CNTN5: variants seen among roughly 807,000 people sequenced by gnomAD.
CNTN5 encodes the protein contactin 5.
CNTN5 carries 77 observed loss-of-function variants against 129.1 expected under a neutral mutation model. That is an observed-to-expected ratio of 0.60 (90% CI 0.50 to 0.72). The LOEUF (loss-of-function observed/expected upper bound fraction) is 0.72, where lower values mean the gene tolerates loss of function less well. CNTN5 is among the 30% of genes least tolerant of loss of function. CNTN5 has a pLI of 0.00. For synonymous variants in CNTN5, 509 were observed against 465.6 expected (o/e 1.09, Z -1.20); for missense variants, 1,478 against 1,328.8 (o/e 1.11, Z -1.75).
chr11:99,414,688 G>A (rs190684348), intron 2 of CNTN5, among the ~76,000 whole-genome samples: 4 of 152,182 alleles, frequency 2.6e-5, no homozygotes, highest in Admixed American at 6.5e-5. Context: ...AATTATGGGA[G>A]AGACTAAGAT....
intron 13 of CNTN5, among the ~76,000 whole-genome samples, chr11:100,156,982 C>G (rs1565296749): frequency 6.6e-6 from 1 of 151,912 alleles, no homozygotes. Flanking sequence ...GTGTGTGTGT[C>G]TCTGTCTCCT....
intron 20 of CNTN5, among the ~76,000 whole-genome samples, chr11:100,306,111 T>C (rs1381160729): frequency 1.3e-5 from 2 of 151,582 alleles, no homozygotes; most frequent in African/African-American, 4.8e-5. Context: ...CTTGTTTGAT[T>C]GATTCACTGT....
intron 3 of CNTN5, among the ~76,000 whole-genome samples, chr11:99,818,666 ATAAT>A (rs1946672618): frequency 6.6e-6 from 1 of 152,140 alleles, no homozygotes; most frequent in Non-Finnish European, 1.5e-5. Context: ...AGAGTTCATC[ATAAT>A]TAGTTTGTAT....
intron 9 of CNTN5, among the ~76,000 whole-genome samples, chr11:100,032,690 A>T (rs565478369): frequency 6.6e-6 from 1 of 152,254 alleles, no homozygotes; most frequent in Non-Finnish European, 1.5e-5. Flanking sequence ...TAAACACTCA[A>T]TCTGTTTTCT....
chr11:99,757,966 C>G (rs1230740399), intron 3 of CNTN5, among the ~76,000 whole-genome samples: 1 of 152,054 alleles, frequency 6.6e-6, no homozygotes, highest in African/African-American at 2.4e-5. Flanking sequence ...ACAGCAGCTT[C>G]TTTCTTTTAT....
chr11:99,659,108 G>C (rs1952501956), intron 3 of CNTN5, among the ~76,000 whole-genome samples: 1 of 151,932 alleles, frequency 6.6e-6, no homozygotes, highest in South Asian at 2.1e-4. Flanking sequence ...TTGGAGGGTT[G>C]GGAATGAAAG....
chr11:99,715,513 A>G (rs1217025298), intron 3 of CNTN5, among the ~76,000 whole-genome samples: 2 of 151,766 alleles, frequency 1.3e-5, no homozygotes, highest in East Asian at 2.0e-4. Flanking sequence ...CAGGGGAATG[A>G]GAGGAAGAAC....
At chr11:99,744,573 A>AAAAAAG (rs1591079744) in intron 3 of CNTN5, among the ~76,000 whole-genome samples, 1 of 120,926 alleles carries the variant, frequency 8.3e-6, no homozygotes, top group Non-Finnish European at 1.7e-5. Flanking sequence ...AAAAAAAAAA[A>AAAAAAG]GCTGGGTGTA....
chr11:99,274,534 A>G (rs1041938164), intron 1 of CNTN5, among the ~76,000 whole-genome samples: 2 of 151,578 alleles, frequency 1.3e-5, no homozygotes, highest in Non-Finnish European at 3.0e-5. Flanking sequence ...TATCTTTTGT[A>G]TTAATTCAAA....
At chr11:99,090,576 C>A (rs950926336) in intron 1 of CNTN5, among the ~76,000 whole-genome samples, 7 of 151,542 alleles carry the variant, frequency 4.6e-5, no homozygotes, top group African/African-American at 1.7e-4. Flanking sequence ...TATACCTGTG[C>A]AAGTTGTTGT....
chr11:99,879,262 A>G (rs923965625), intron 6 of CNTN5, among the ~76,000 whole-genome samples: 5 of 152,138 alleles, frequency 3.3e-5, no homozygotes, highest in African/African-American at 1.2e-4. Context: ...CTGGTAAGTT[A>G]GTGGGAAAAG....
chr11:99,723,778 G>A (rs574450563), intron 3 of CNTN5, among the ~76,000 whole-genome samples: 12 of 143,334 alleles, frequency 8.4e-5, no homozygotes, highest in African/African-American at 2.2e-4. Flanking sequence ...GTGTGCATGC[G>A]TGTGCATGCG....
chr11:99,727,924 A>G (rs910576211), intron 3 of CNTN5, among the ~76,000 whole-genome samples: 1 of 152,142 alleles, frequency 6.6e-6, no homozygotes, highest in Non-Finnish European at 1.5e-5. Context: ...AAAAAAATTG[A>G]GTCACAGAGA....
intron 4 of CNTN5, among the ~76,000 whole-genome samples, chr11:99,836,213 A>C (rs1947298624): frequency 6.7e-6 from 1 of 149,940 alleles, no homozygotes; most frequent in African/African-American, 2.5e-5. Context: ...TTACATATGT[A>C]TACATGTGCC....
At chr11:100,024,282 C>G (rs185458189) in intron 9 of CNTN5, among the ~76,000 whole-genome samples, 28 of 152,268 alleles carry the variant, frequency 1.8e-4, no homozygotes, top group Admixed American at 2.0e-4. Flanking sequence ...CCTTGCTTCC[C>G]TTTCACCTTC....
chr11:99,719,644 A>G (rs1203251194), intron 3 of CNTN5, among the ~76,000 whole-genome samples: 1 of 152,070 alleles, frequency 6.6e-6, no homozygotes, highest in Non-Finnish European at 1.5e-5. Flanking sequence ...TAGAGATGCA[A>G]GAACAAATCA....
chr11:99,448,476 G>T (rs899651373), intron 2 of CNTN5, among the ~76,000 whole-genome samples: 1 of 151,840 alleles, frequency 6.6e-6, no homozygotes, highest in Non-Finnish European at 1.5e-5. Flanking sequence ...TAGAAACCAA[G>T]AACAGTTTAG....
intron 4 of CNTN5, among the ~76,000 whole-genome samples, chr11:99,821,581 C>G (rs1946803345): frequency 6.6e-6 from 1 of 151,832 alleles, no homozygotes; most frequent in Non-Finnish European, 1.5e-5. Context: ...TGGCAAGTGA[C>G]CTGAACATTA....
At chr11:99,493,645 T>C (rs934022232) in intron 2 of CNTN5, among the ~76,000 whole-genome samples, 39 of 152,164 alleles carry the variant, frequency 2.6e-4, no homozygotes, top group African/African-American at 9.4e-4. Context: ...TAATATGATA[T>C]GAGTAAAATT....
Sources: allele counts gnomAD v4.1 joint callset (sites outside exome capture counted in the v4.1 genomes callset), GRCh38; gene constraint gnomAD v4.1.1; transcripts MANE v1.5; gene names NCBI Gene and HGNC (gene_info 2026-07-23, HGNC 2026-07-21).